ERP27: variants seen among roughly 807,000 people sequenced by gnomAD.
ERP27 encodes endoplasmic reticulum protein 27.
A neutral mutation model predicts 27.7 loss-of-function variants in ERP27; 23 were observed. The observed-to-expected ratio is 0.83, with a 90% CI of 0.60 to 1.18. The LOEUF is 1.18. ERP27 is among the 50% of genes most tolerant of loss of function. The pLI is 0.00. For synonymous variants in ERP27, 159 were observed against 118.3 expected (o/e 1.34, Z -2.23); for missense variants, 363 against 327.9 (o/e 1.11, Z -0.83).
chr12:14,920,832 G>C, intron 4 of ERP27, 100 bp downstream of exon 4: 1 of 852,332 alleles, frequency 1.2e-6, no homozygotes, highest in Non-Finnish European at 1.9e-6. Flanking sequence ...TGTATTGGTC[G>C]AAGAATTGGA....
intron 3 of ERP27, chr12:14,929,132 C>T (rs1341813512): frequency 2.1e-6 from 3 of 1,456,770 alleles, no homozygotes; most frequent in Non-Finnish European, 2.7e-6. Flanking sequence ...GTGCATGGAT[C>T]AAGAATCCCC....
chr12:14,935,753 A>T (rs909475651), intron 2 of ERP27, among the ~76,000 whole-genome samples: 21 of 152,192 alleles, frequency 1.4e-4, no homozygotes, highest in African/African-American at 4.8e-4. Flanking sequence ...TTTGACACAG[A>T]GTCTTGCTCT....
chr12:14,915,877 A>T (rs1198919431), intron 5 of ERP27, 191 bp from the exon 6 acceptor site: 3 of 598,784 alleles, frequency 5.0e-6, no homozygotes, highest in Non-Finnish European at 8.7e-6. Context: ...GGGAACGTGG[A>T]TGGGGCTGGA....
In ERP27 at chr12:14,919,768, C is replaced by G. The variant is rs187484224; in HGVS notation, c.450+1164G>C. ...GAAGAAGTTACTTAAATTTTCTGAA[C>G]TCCCATTTACTCTACTGTAAAATGG... On this transcript the variant is annotated intron_variant, in intron 4 of 6. Transcript: ENST00000266397. Among the ~76,000 whole-genome samples, 94 of 152,328 alleles carry G rather than the reference C, an allele frequency of 6.2e-4. 1 individual carries two copies. Among genetic ancestry groups the G allele is most frequent in the Middle Eastern group, 6.8e-3 (2 of 294 alleles).
intron 4 of ERP27, among the ~76,000 whole-genome samples, chr12:14,919,228 A>T (rs1863460927): frequency 1.3e-5 from 2 of 152,224 alleles, no homozygotes; most frequent in South Asian, 4.1e-4. Flanking sequence ...AAGTAACAAT[A>T]CAGATTGAAC....
At chr12:14,917,390 T>A (rs1054087155) in intron 4 of ERP27, 87 bp from the exon 5 acceptor site, 1 of 1,569,118 alleles carries the variant, frequency 6.4e-7, no homozygotes, top group African/African-American at 1.3e-5. Context: ...AGATTGAAAC[T>A]TAAATGAGAG....
chr12:14,923,991 T>C (rs896240220), intron 3 of ERP27, among the ~76,000 whole-genome samples: 19 of 152,286 alleles, frequency 1.2e-4, no homozygotes, highest in African/African-American at 4.1e-4. Context: ...AACCAATTTC[T>C]CCCTGTCCCC....
At position 14,914,597 on chromosome 12, in the gene ERP27, T is replaced by C; in HGVS notation, c.*138A>G. On this transcript the variant is annotated 3_prime_UTR_variant, in exon 7 of 7. Transcript: ENST00000266397. Reference sequence around the variant, plus strand: ...GTGTGTGCGTGTGTGTGTGCACGCGTGCGTGCGTGTGTGCACGTGCGTGTG... The same window carrying C: ...GTGTGTGCGTGTGTGTGTGCACGCGCGCGTGCGTGTGTGCACGTGCGTGTG... 1.6e-6 allele frequency: 1 copy of C among 631,886 alleles called. No individual in the cohort carries two copies. Among genetic ancestry groups the C allele is most frequent in the Non-Finnish European group, 2.8e-6 (1 of 361,016 alleles). The allele number at this position is 631,886 out of a possible 1,614,324, so 39.1% of individuals were successfully genotyped here. A position where few individuals can be genotyped will look rare whatever the true frequency, so the allele number is the denominator to read the frequency against.
At chr12:14,918,264 T>G (rs575563239) in intron 4 of ERP27, among the ~76,000 whole-genome samples, 3 of 152,320 alleles carry the variant, frequency 2.0e-5, no homozygotes, top group African/African-American at 7.2e-5. Flanking sequence ...CAGGATGGAC[T>G]GCCTCATGCA....
At chr12:14,923,535 C>CTATCTATCTATT (rs1301072763) in intron 3 of ERP27, among the ~76,000 whole-genome samples, 3 of 151,288 alleles carry the variant, frequency 2.0e-5, no homozygotes, top group Admixed American at 1.3e-4. Context: ...ATCTATCTAT[C>CTATCTATCTATT]TATATTACCT....
At chr12:14,936,187 CA>C (rs1297755857) in intron 2 of ERP27, among the ~76,000 whole-genome samples, 1 of 149,626 alleles carries the variant, frequency 6.7e-6, no homozygotes, top group Non-Finnish European at 1.5e-5. Flanking sequence ...TCAAAAGGGC[CA>C]AAAAAGAAAA....
At chr12:14,935,278 C>T (rs1377655603) in intron 2 of ERP27, 1 of 391,874 alleles carries the variant, frequency 2.6e-6, no homozygotes, top group Non-Finnish European at 3.5e-6. Flanking sequence ...AGAGAGGCCT[C>T]AAAATCATAA....
At chr12:14,921,314 A>G (rs138374011) in intron 3 of ERP27, among the ~76,000 whole-genome samples, 3 of 152,318 alleles carry the variant, frequency 2.0e-5, no homozygotes, top group Middle Eastern at 6.8e-3. Context: ...GCTTCAAGGA[A>G]GAAGTTACTC....
rs1246770590 is a variant in ERP27 at position 14,914,706 on chromosome 12, A to G, written c.*29T>C. ...CCTTTTTACTTTGCATAAAGTAGAT[A>G]CTTGGCCATATGTAGTTCCAAGGAG... On this transcript the variant is annotated 3_prime_UTR_variant, in exon 7 of 7. Transcript: ENST00000266397. 5 of 1,601,756 alleles carry G rather than the reference A, an allele frequency of 3.1e-6. No individual in the cohort carries two copies. In the African/African-American group the frequency reaches 6.7e-5, roughly 22 times the overall value.
intron 3 of ERP27, 59 bp from the exon 4 acceptor site, chr12:14,921,107 A>T: frequency 7.3e-7 from 1 of 1,366,804 alleles, no homozygotes; most frequent in Non-Finnish European, 1.0e-6. Context: ...GTATTGATAA[A>T]CGTCTTTAGA....
chr12:14,928,890 G>T, intron 3 of ERP27: 1 of 1,501,742 alleles, frequency 6.7e-7, no homozygotes, highest in Non-Finnish European at 9.0e-7. Flanking sequence ...AATAAAATGA[G>T]CACACAAAAA....
At chr12:14,933,261 T>C (rs1269021526) in intron 3 of ERP27, among the ~76,000 whole-genome samples, 1 of 152,146 alleles carries the variant, frequency 6.6e-6, no homozygotes, top group African/African-American at 2.4e-5. Context: ...CAGGCAGCAT[T>C]GTAGATACAG....
chr12:14,935,406 T>A, intron 2 of ERP27, among the ~76,000 whole-genome samples: 1 of 152,232 alleles, frequency 6.6e-6, no homozygotes, highest in Non-Finnish European at 1.5e-5. Context: ...TATTTTTGTT[T>A]AAAGGGCATT....
Position 14,919,109 on chromosome 12 carries a change from G to T in ERP27, c.451-1806C>A, listed in dbSNP as rs1863458752. Among the ~76,000 whole-genome samples the T allele has an allele frequency of 2.6e-5, 4 of 152,310 alleles. No individual in the cohort carries two copies. The East Asian group carries it at 7.7e-4, about 29-fold the overall frequency. On this transcript the variant is annotated intron_variant, in intron 4 of 6. Coordinates refer to ENST00000266397, the MANE Select transcript of ERP27 (RefSeq NM_152321.4). Reference sequence around the variant, plus strand: ...GTCAGGTGCATGGCTGGGATTTTCTGCCCAGTTGCTACTGGTGCAAACCTT... The same window carrying T: ...GTCAGGTGCATGGCTGGGATTTTCTTCCCAGTTGCTACTGGTGCAAACCTT...
Sources: allele counts gnomAD v4.1 joint callset (sites outside exome capture counted in the v4.1 genomes callset), GRCh38; gene constraint gnomAD v4.1.1; transcripts MANE v1.5; gene names NCBI Gene and HGNC (gene_info 2026-07-23, HGNC 2026-07-21).